Variants in TNKS2 observed in about 807,000 individuals in gnomAD.
The protein encoded by TNKS2 is tankyrase 2.
A neutral mutation model predicts 137.6 loss-of-function variants in TNKS2; 72 were observed. The observed-to-expected ratio is 0.52, with a 90% CI of 0.43 to 0.64. TNKS2 has a LOEUF of 0.64. Ranked by LOEUF, TNKS2 falls within the 30% of genes least tolerant of loss-of-function variation. The probability of loss-of-function intolerance (pLI) is 0.00; values close to 1 mark genes in which losing one functional copy is unlikely to be tolerated. For synonymous variants in TNKS2, 516 were observed against 512.1 expected, an observed-to-expected ratio of 1.01 and a Z score of -0.10; for missense variants, 1,049 against 1,410.2, an observed-to-expected ratio of 0.74 and a Z score of 4.10.
intron 19 of TNKS2, 93 bp downstream of exon 19, chr10:91,848,728 C>G: frequency 7.1e-7 from 1 of 1,413,724 alleles, no homozygotes; most frequent in Non-Finnish European, 9.7e-7. Flanking sequence ...ACCTTAAATA[C>G]AAGGTATTAG....
chr10:91,860,514 GA>G (rs1435501782), intron 25 of TNKS2, among the ~76,000 whole-genome samples: 1 of 152,030 alleles, frequency 6.6e-6, no homozygotes, highest in Non-Finnish European at 1.5e-5. Flanking sequence ...CACTGATCTA[GA>G]AAAAAACCCC....
chr10:91,851,410 A>C, intron 21 of TNKS2, 74 bp downstream of exon 21: 1 of 1,432,462 alleles, frequency 7.0e-7, no homozygotes, highest in Non-Finnish European at 9.2e-7. Context: ...ACTAAGTTAT[A>C]ATTTAAAAAT....
chr10:91,857,984 A>C (rs1298869132), intron 24 of TNKS2, among the ~76,000 whole-genome samples: 2 of 152,206 alleles, frequency 1.3e-5, no homozygotes, highest in Non-Finnish European at 2.9e-5. Flanking sequence ...ATGACTGTAG[A>C]ATTGAAACCA....
At chr10:91,830,818 CAA>C in intron 9 of TNKS2, 103 bp from the exon 10 acceptor site, 2 of 1,024,870 alleles carry the variant, frequency 2.0e-6, no homozygotes, top group Non-Finnish European at 1.4e-6. Context: ...AAAAGTAAAA[CAA>C]AAAGATTAAA....
In TNKS2 at chr10:91,857,484, T is replaced by C; in HGVS notation, c.3048T>C (p.Val1016=). ...WERYTHRRKE[V]SEENHNHANE... ...GATACACTCACCGGAGAAAAGAAGTTTCTGAAGAAAACCACAACCATGCCA... is the reference window on the plus strand; with the variant it reads ...GATACACTCACCGGAGAAAAGAAGTCTCTGAAGAAAACCACAACCATGCCA... The change falls in exon 24 of 27, where the codon GTT becomes GTC. Residue 1016 remains valine (V), a synonymous_variant. Coordinates refer to ENST00000371627, the MANE Select transcript of TNKS2 (RefSeq NM_025235.4). The C allele has an allele frequency of 6.2e-7, 1 of 1,612,406 alleles. No homozygotes were observed. The highest frequency in any genetic ancestry group is 1.1e-5 in the South Asian group (1 of 90,866).
rs1253413203 is a variant in TNKS2 at position 91,834,041 on chromosome 10, T to C, written c.1447+17T>C. 1 of 1,504,796 alleles carries C rather than the reference T, an allele frequency of 6.6e-7. No individual in the cohort carries two copies. Among genetic ancestry groups the C allele is most frequent in the Non-Finnish European group, 8.9e-7 (1 of 1,124,414 alleles). 93.2% of individuals were successfully genotyped at this position (1,504,796 alleles called of 1,614,324 possible). A position where few individuals can be genotyped will look rare whatever the true frequency, so the allele number is the denominator to read the frequency against. ...TCCTCCAAGGTATTACATGCTTCAA[T>C]GAAATTGATTTTTTTAAATTAACCT... is the stretch of plus-strand genomic sequence containing the variant. On this transcript the variant is annotated intron_variant, in intron 12 of 26. Coordinates refer to ENST00000371627, the MANE Select transcript of TNKS2 (RefSeq NM_025235.4).
chr10:91,798,904 C>A lies in TNKS2; in HGVS notation c.199+15C>A. 1 of 1,376,292 alleles carries A rather than the reference C, an allele frequency of 7.3e-7. No individual in the cohort carries two copies. The highest frequency in any genetic ancestry group is 9.5e-7 in the Non-Finnish European group (1 of 1,056,220). The allele number at this position is 1,376,292 out of a possible 1,614,324, so 85.3% of individuals were successfully genotyped here. ...CTTCGCCGCAGGTAACCGGGGCCAGCGTCCCCTCGCCTCGCTCCAGACCCC... is the reference window on the plus strand; with the variant it reads ...CTTCGCCGCAGGTAACCGGGGCCAGAGTCCCCTCGCCTCGCTCCAGACCCC... On this transcript the variant is annotated intron_variant, in intron 1 of 26. Transcript: ENST00000371627.
chr10:91,821,378 T>G (rs1237028053), intron 6 of TNKS2, among the ~76,000 whole-genome samples: 2 of 151,914 alleles, frequency 1.3e-5, no homozygotes, highest in African/African-American at 4.8e-5. Context: ...AGTGGTAGCA[T>G]CTAGTAGGTA....
Position 91,798,494 on chromosome 10 carries a change from G to A in TNKS2, c.-197G>A. On this transcript the variant is annotated 5_prime_UTR_variant, in exon 1 of 27. Transcript: ENST00000371627. ...GCGCTGCCTCCGCCGCCGCGGGGCA[G>A]CCGGGGGGCAGGGAGCCCAGCGAGG... 2.0e-6 allele frequency: 1 copy of A among 512,586 alleles called. No individual in the cohort carries two copies. The highest frequency in any genetic ancestry group is 2.9e-6 in the Non-Finnish European group (1 of 350,804). 31.8% of individuals were successfully genotyped at this position (512,586 alleles called of 1,614,324 possible).
At position 91,807,200 on chromosome 10, in the gene TNKS2, A is replaced by T. The variant is rs1844349381; in HGVS notation, c.200-5783A>T. 8.7e-6 allele frequency: 14 copies of T among 1,607,906 alleles called. No homozygotes were observed. The South Asian group carries it at 1.2e-4, about 14-fold the overall frequency. On this transcript the variant is annotated intron_variant, in intron 1 of 26. Coordinates refer to ENST00000371627, the MANE Select transcript of TNKS2 (RefSeq NM_025235.4). ...CCATTCACTCAGTTTCCATGGTAAC[A>T]TTGCGGGCTTCCTTGGCTACCATAA...
chr10:91,830,338 C>T (rs1425036688), intron 9 of TNKS2, among the ~76,000 whole-genome samples: 1 of 152,172 alleles, frequency 6.6e-6, no homozygotes, highest in Non-Finnish European at 1.5e-5. Context: ...CTGTCTCAGC[C>T]TCCCGAGTAG....
intron 8 of TNKS2, among the ~76,000 whole-genome samples, chr10:91,827,775 A>G (rs908149317): frequency 9.9e-5 from 15 of 152,236 alleles, no homozygotes; most frequent in African/African-American, 3.6e-4. Flanking sequence ...TCTGATGAGT[A>G]AAAGAGAATC....
At position 91,836,785 on chromosome 10, in the gene TNKS2, C is replaced by A. The variant is rs188264011; in HGVS notation, c.1448-134C>A. On this transcript the variant is annotated intron_variant, in intron 12 of 26. Coordinates refer to ENST00000371627, the MANE Select transcript of TNKS2 (RefSeq NM_025235.4). ...CACTCCCCAACCCTCACCCCCCTTA[C>A]TACCATGGAGATCTCGTACATAATC... is the stretch of plus-strand genomic sequence containing the variant. 1.1e-5 allele frequency: 15 copies of A among 1,402,972 alleles called. No individual in the cohort carries two copies. In the Admixed American group the frequency reaches 4.3e-4, roughly 40 times the overall value. The allele number at this position is 1,402,972 out of a possible 1,614,324, so 86.9% of individuals were successfully genotyped here.
intron 7 of TNKS2, among the ~76,000 whole-genome samples, chr10:91,825,597 C>G (rs1845042451): frequency 6.6e-6 from 1 of 152,140 alleles, no homozygotes; most frequent in Admixed American, 6.5e-5. Context: ...CAGAAGTTCT[C>G]TAGTAATTAT....
intron 1 of TNKS2, among the ~76,000 whole-genome samples, chr10:91,802,966 G>A (rs920286927): frequency 7.9e-5 from 12 of 152,148 alleles, no homozygotes; most frequent in African/African-American, 2.7e-4. Context: ...TGCCCTCAGC[G>A]CTTGCTGGAT....
chr10:91,842,771 T>C (rs200345673), intron 16 of TNKS2, among the ~76,000 whole-genome samples: 1 of 151,328 alleles, frequency 6.6e-6, no homozygotes, highest in Non-Finnish European at 1.5e-5. Flanking sequence ...TCTCAAAAAA[T>C]AAAAAAAATA....
intron 11 of TNKS2, among the ~76,000 whole-genome samples, chr10:91,831,897 G>A (rs994363248): frequency 2.0e-4 from 30 of 152,168 alleles, no homozygotes; most frequent in African/African-American, 6.0e-4. Flanking sequence ...TTGAAATTCA[G>A]TATACTCTAT....
At chr10:91,862,348 T>C (rs1031294418) in intron 26 of TNKS2, among the ~76,000 whole-genome samples, 193 bp downstream of exon 26, 2 of 152,210 alleles carry the variant, frequency 1.3e-5, no homozygotes, top group African/African-American at 2.4e-5. Context: ...CTAGATTTCC[T>C]AAATGTTAAT....
Position 91,798,637 on chromosome 10 carries a change from G to T in TNKS2, c.-54G>T. On this transcript the variant is annotated 5_prime_UTR_variant, in exon 1 of 27. Transcript: ENST00000371627. ...CCTCGCCCTCCTGCTCGCGGGGCCG[G>T]GGCTCCTGCTCCGGTTGCTGGCGCT... The T allele has an allele frequency of 7.4e-6, 9 of 1,212,482 alleles. No homozygotes were observed. The highest frequency in any genetic ancestry group is 7.2e-6 in the Non-Finnish European group (7 of 975,264). The allele number at this position is 1,212,482 out of a possible 1,614,324, so 75.1% of individuals were successfully genotyped here.
Sources: gnomAD v4.1 joint callset for allele counts (sites outside exome capture counted in the v4.1 genomes callset) on GRCh38, gnomAD v4.1.1 for gene constraint, MANE v1.5 for transcripts, NCBI Gene and HGNC (gene_info 2026-07-23, HGNC 2026-07-21) for gene names.